SANBR: variants seen among roughly 807,000 people sequenced by gnomAD.
SANBR encodes SANT and BTB domain regulator of CSR.
Under a neutral mutation model 101.8 loss-of-function variants are expected in SANBR, and 77 were observed. The ratio of observed to expected loss-of-function variants is 0.76; its 90% CI spans 0.63 to 0.91. The LOEUF (loss-of-function observed/expected upper bound fraction) is 0.91. Among genes scored for constraint, SANBR ranks in the 40% least tolerant of loss-of-function variants. The pLI is 0.00. For synonymous variants in SANBR, 279 were observed against 274.7 expected, an observed-to-expected ratio of 1.02 and a Z score of -0.15; for missense variants, 875 against 853.0, an observed-to-expected ratio of 1.03 and a Z score of -0.32.
At chr2:61,101,565 C>T (rs937980990) in intron 12 of SANBR, among the ~76,000 whole-genome samples, 1 of 151,012 alleles carries the variant, frequency 6.6e-6, no homozygotes, top group African/African-American at 2.4e-5. Context: ...AACGCCTTCT[C>T]TACTAAAAAT....
rs747190734 is a variant in SANBR at position 61,097,701 on chromosome 2, C to A, written c.1214C>A (p.Ala405Asp). The A allele has an allele frequency of 4.4e-6, 7 of 1,592,828 alleles. No individual in the cohort carries two copies. In the South Asian group the frequency reaches 6.8e-5, roughly 15 times the overall value. ...NWLTCSRCYQ[A>D]FLCIEFSHCQ... is the part of the protein sequence containing the mutation. ...TGATTTTATCTATGTCTTTATCAGG[C>A]CTTTCTCTGTATTGAATTTTCACAT... is the stretch of plus-strand genomic sequence containing the variant. Residue 405 changes from alanine to aspartate, a missense_variant and splice_region_variant, in exon 12 of 22, where the codon GCC becomes GAC. By Grantham distance (126) the Ala-to-Asp change is moderately radical. Coordinates refer to ENST00000402291, the MANE Select transcript of SANBR (RefSeq NM_001129993.3).
At chr2:61,099,767 G>A (rs1487929142) in intron 12 of SANBR, among the ~76,000 whole-genome samples, 1 of 152,222 alleles carries the variant, frequency 6.6e-6, no homozygotes, top group Non-Finnish European at 1.5e-5. Flanking sequence ...AGAATGGTCA[G>A]GGGCAGCCAG....
chr2:61,076,622 C>T (rs1444985778), intron 5 of SANBR, among the ~76,000 whole-genome samples: 3 of 145,386 alleles, frequency 2.1e-5, no homozygotes, highest in South Asian at 2.2e-4. Flanking sequence ...AGAGAGACTC[C>T]GTCTAAAAAA....
At chr2:61,106,448 T>A in intron 13 of SANBR, 115 bp from the exon 14 acceptor site, 1 of 566,474 alleles carries the variant, frequency 1.8e-6, no homozygotes, top group Middle Eastern at 3.7e-4. Flanking sequence ...ATCCTTATAC[T>A]CAGGAACTGT....
intron 13 of SANBR, among the ~76,000 whole-genome samples, chr2:61,106,023 G>C (rs549871871): frequency 2.6e-5 from 4 of 152,112 alleles, no homozygotes; most frequent in Non-Finnish European, 5.9e-5. Context: ...CCACCTCATA[G>C]GTATGATGCG....
rs1684381481 is a variant in SANBR, at chr2:61,122,672, AAGACTGCATTAAATGAAGTTT to A, written c.*511_*531del. On this transcript the variant is annotated 3_prime_UTR_variant, in exon 22 of 22. Coordinates refer to ENST00000402291, the MANE Select transcript of SANBR (RefSeq NM_001129993.3). Reference sequence around the variant, plus strand: ...TGAATATTAAGGAGTGACAGGTCTCAAGACTGCATTAAATGAAGTTTCAGGGTAAGGTATTTCAGTACTGTG... The same window carrying A: ...TGAATATTAAGGAGTGACAGGTCTCACAGGGTAAGGTATTTCAGTACTGTG... 1 of 985,994 alleles carries A rather than the reference AAGACTGCATTAAATGAAGTTT, an allele frequency of 1.0e-6. No individual in the cohort carries two copies. The highest frequency in any genetic ancestry group is 1.7e-5 in the African/African-American group (1 of 57,260). 61.1% of individuals were successfully genotyped at this position (985,994 alleles called of 1,614,324 possible). A position where few individuals can be genotyped will look rare whatever the true frequency, so the allele number is the denominator to read the frequency against.
chr2:61,108,088 A>G (rs1325143924), intron 14 of SANBR, among the ~76,000 whole-genome samples: 1 of 152,214 alleles, frequency 6.6e-6, no homozygotes, highest in Non-Finnish European at 1.5e-5. Flanking sequence ...TCCTTTGGAA[A>G]TAATACTGGG....
chr2:61,137,569 T>C (rs1444065800), exon 22 of SANBR: 1 of 151,340 alleles, frequency 6.6e-6, no homozygotes, highest in East Asian at 1.9e-4. Context: ...CTTATAGATA[T>C]TTTTTTTTCT....
intron 16 of SANBR, among the ~76,000 whole-genome samples, chr2:61,113,523 AGTGTACAG>A (rs1208400094): frequency 6.6e-6 from 1 of 152,128 alleles, no homozygotes; most frequent in Non-Finnish European, 1.5e-5. Flanking sequence ...TTGTAGTTTC[AGTGTACAG>A]GTGTTGAACA....
At chr2:61,121,100 C>G in intron 20 of SANBR, 85 bp from the exon 21 acceptor site, 2 of 963,708 alleles carry the variant, frequency 2.1e-6, no homozygotes, top group East Asian at 2.8e-5. Flanking sequence ...AAAATTACTT[C>G]TAAATTAAAA....
In SANBR at chr2:61,117,380, T is replaced by G; in HGVS notation, c.1860T>G (p.Pro620=). 1 of 1,613,936 alleles carries G rather than the reference T, an allele frequency of 6.2e-7. No homozygotes were observed. Among genetic ancestry groups the G allele is most frequent in the Non-Finnish European group, 8.5e-7 (1 of 1,179,848 alleles). Residue 620 remains proline (P), a synonymous_variant, in exon 18 of 22, where the codon CCT becomes CCG. Coordinates refer to ENST00000402291, the MANE Select transcript of SANBR (RefSeq NM_001129993.3). ...LEKSASRDVS[P]FVMSMQKNKW... Reference sequence around the variant, plus strand: ...AGTCAGCTTCTAGAGATGTGTCTCCTTTCGTGTGAGTATTGCTCCTTAATC... The same window carrying G: ...AGTCAGCTTCTAGAGATGTGTCTCCGTTCGTGTGAGTATTGCTCCTTAATC...
chr2:61,097,915 G>T, intron 12 of SANBR, 63 bp downstream of exon 12: 1 of 1,353,964 alleles, frequency 7.4e-7, no homozygotes, highest in South Asian at 1.4e-5. Flanking sequence ...ATACATTAAT[G>T]TATAAAAGAC....
chr2:61,092,524 G>C lies in SANBR; in HGVS notation c.1149G>C (p.Trp383Cys). Reference sequence around the variant, plus strand: ...GTCTTTTCGAAGAATTAAAATCTTGGAGAGATGTATACTGGCGATTGTGGG... The same window carrying C: ...GTCTTTTCGAAGAATTAAAATCTTGCAGAGATGTATACTGGCGATTGTGGG... The part of the protein sequence containing the change: ...LNSLFEELKS[W>C]RDVYWRLWGT... Residue 383 changes from tryptophan to cysteine, a missense_variant, in exon 11 of 22, where the codon TGG becomes TGC. Trp to Cys is a radical substitution (Grantham distance 215). Transcript: ENST00000402291. The C allele has an allele frequency of 6.2e-7, 1 of 1,606,562 alleles. No individual in the cohort carries two copies. The highest frequency in any genetic ancestry group is 8.5e-7 in the Non-Finnish European group (1 of 1,176,398).
At chr2:61,134,377 AT>A in intron 21 of SANBR, 1 of 1,184,306 alleles carries the variant, frequency 8.4e-7, no homozygotes, top group East Asian at 2.6e-5. Flanking sequence ...GGCTCACGTT[AT>A]TCCCCCACCT....
At chr2:61,130,435 A>G (rs976917019) in intron 20 of SANBR, among the ~76,000 whole-genome samples, 26 of 152,346 alleles carry the variant, frequency 1.7e-4, no homozygotes, top group African/African-American at 6.3e-4. Flanking sequence ...AGAAAAGCCC[A>G]GACATCACTA....
chr2:61,122,236 C>A lies in SANBR; in HGVS notation c.*74C>A, dbSNP rs750635757. ...CTGAAATTGCTCACTTCTTGAAGATCTTCAGAACAATGACTTCCAACTGTT... is the reference window on the plus strand; with the variant it reads ...CTGAAATTGCTCACTTCTTGAAGATATTCAGAACAATGACTTCCAACTGTT... On this transcript the variant is annotated 3_prime_UTR_variant, in exon 22 of 22. Transcript: ENST00000402291. 1.4e-6 allele frequency: 2 copies of A among 1,475,988 alleles called. No individual in the cohort carries two copies. Among genetic ancestry groups the A allele is most frequent in the Non-Finnish European group, 9.0e-7 (1 of 1,108,962 alleles). The allele number at this position is 1,475,988 out of a possible 1,614,324, so 91.4% of individuals were successfully genotyped here.
chr2:61,111,169 G>A (rs931373961), intron 16 of SANBR, among the ~76,000 whole-genome samples: 4 of 152,092 alleles, frequency 2.6e-5, no homozygotes, highest in Non-Finnish European at 5.9e-5. Flanking sequence ...CGAGGCGGGC[G>A]GATCACGAGC....
chr2:61,096,985 C>G (rs1040399167), intron 11 of SANBR, among the ~76,000 whole-genome samples: 1 of 152,148 alleles, frequency 6.6e-6, no homozygotes, highest in African/African-American at 2.4e-5. Context: ...AAAACCCTGT[C>G]TCTACTAAAA....
rs758942178 is a variant in SANBR, at chr2:61,083,324, A to G, written c.890+10A>G. ...AAGATAAATTTAAAAGGTAATTTCA[A>G]AAGTTTAATTTTAAACCTAATACTC... On this transcript the variant is annotated intron_variant, in intron 8 of 21. Transcript: ENST00000402291. The G allele has an allele frequency of 4.0e-5, 60 of 1,510,042 alleles. No individual in the cohort carries two copies. The highest frequency in any genetic ancestry group is 4.6e-5 in the Non-Finnish European group (50 of 1,096,130). 93.5% of individuals were successfully genotyped at this position (1,510,042 alleles called of 1,614,324 possible).
Sources: gnomAD v4.1 joint callset for allele counts (sites outside exome capture counted in the v4.1 genomes callset) on GRCh38, gnomAD v4.1.1 for gene constraint, MANE v1.5 for transcripts, NCBI Gene and HGNC (gene_info 2026-07-23, HGNC 2026-07-21) for gene names.